Variants in RAB27B observed in about 807,000 individuals in gnomAD.
The protein encoded by RAB27B is ras-related protein Rab-27B.
RAB27B carries 15 observed loss-of-function variants against 24.6 expected under a neutral mutation model. That is an observed-to-expected ratio of 0.61 (90% CI 0.41 to 0.94). The LOEUF (loss-of-function observed/expected upper bound fraction) is 0.94. RAB27B is among the 40% of genes least tolerant of loss of function. The probability of loss-of-function intolerance (pLI) is 0.00; values close to 1 mark genes in which losing one functional copy is unlikely to be tolerated. For synonymous variants in RAB27B, 105 were observed against 92.5 expected (o/e 1.14, Z -0.78); for missense variants, 261 against 266.8 (o/e 0.98, Z 0.15).
intron 2 of RAB27B, among the ~76,000 whole-genome samples, chr18:54,803,186 T>C (rs559317279): frequency 3.3e-5 from 5 of 152,304 alleles, no homozygotes; most frequent in Admixed American, 2.6e-4. Context: ...TAAATAAAGA[T>C]AGCAGATAGA....
chr18:54,755,187 C>A (rs1389755808), intron 2 of RAB27B, among the ~76,000 whole-genome samples: 5 of 152,078 alleles, frequency 3.3e-5, no homozygotes, highest in African/African-American at 1.2e-4. Context: ...GTCAGGAGTT[C>A]AAGACCAGCC....
chr18:54,740,783 C>T (rs891196344), intron 2 of RAB27B, among the ~76,000 whole-genome samples: 3 of 152,202 alleles, frequency 2.0e-5, no homozygotes, highest in East Asian at 3.9e-4. Flanking sequence ...ATAGCAGGCT[C>T]TCACTAAGTG....
chr18:54,849,931 C>A (rs1038855470), intron 1 of RAB27B, among the ~76,000 whole-genome samples: 1 of 152,002 alleles, frequency 6.6e-6, no homozygotes, highest in African/African-American at 2.4e-5. Context: ...TTACTCATAC[C>A]TTTAAAAGGA....
rs1353751580 is a variant in RAB27B, at chr18:54,876,227, AC to A, written c.-19-1335del. ...TCATGAGAACAGCATGGGGGAAACC[AC>A]CCCCATGATTCAATTACCTCCACCT... is the stretch of plus-strand genomic sequence containing the variant. On this transcript the variant is annotated intron_variant, in intron 1 of 5. Coordinates refer to ENST00000262094, the MANE Select transcript of RAB27B (RefSeq NM_004163.4). 2.0e-5 allele frequency among the ~76,000 whole-genome samples: 3 copies of A among 151,906 alleles called. No individual in the cohort carries two copies. The East Asian group carries it at 5.8e-4, about 29-fold the overall frequency.
At chr18:54,858,264 G>A (rs1911863096) in intron 1 of RAB27B, among the ~76,000 whole-genome samples, 1 of 151,954 alleles carries the variant, frequency 6.6e-6, no homozygotes, top group Non-Finnish European at 1.5e-5. Flanking sequence ...TATCCTATGC[G>A]TTAGAATTTA....
chr18:54,816,287 A>G (rs894941207), intron 2 of RAB27B, among the ~76,000 whole-genome samples: 1 of 152,224 alleles, frequency 6.6e-6, no homozygotes, highest in African/African-American at 2.4e-5. Context: ...AGTAGGTGAA[A>G]TACGATAATA....
At chr18:54,772,941 G>A (rs559825981) in intron 2 of RAB27B, among the ~76,000 whole-genome samples, 31 of 152,058 alleles carry the variant, frequency 2.0e-4, no homozygotes, top group Non-Finnish European at 3.5e-4. Flanking sequence ...AATTTAATTC[G>A]GTGCTCCTTT....
chr18:54,738,871 T>TGA (rs1909982799), intron 2 of RAB27B, among the ~76,000 whole-genome samples: 1 of 152,204 alleles, frequency 6.6e-6, no homozygotes, highest in Admixed American at 6.6e-5. Flanking sequence ...CAATGAGTCT[T>TGA]GAGAAATGTA....
At chr18:54,862,074 A>T (rs911540808) in intron 1 of RAB27B, among the ~76,000 whole-genome samples, 2 of 151,552 alleles carry the variant, frequency 1.3e-5, no homozygotes, top group Non-Finnish European at 2.9e-5. Flanking sequence ...AAAAAAAAGC[A>T]TGACTGCCTT....
At chr18:54,755,223 C>G (rs1907964467) in intron 2 of RAB27B, among the ~76,000 whole-genome samples, 1 of 152,060 alleles carries the variant, frequency 6.6e-6, no homozygotes, top group Non-Finnish European at 1.5e-5. Flanking sequence ...AACCCCGTCT[C>G]TACTAAAAAT....
At chr18:54,783,481 T>TTGTGTGTGTGTGTG (rs34288200) in intron 2 of RAB27B, among the ~76,000 whole-genome samples, 5,387 of 149,730 alleles carry the variant, frequency 0.036, 154 homozygotes, top group Admixed American at 0.075. Flanking sequence ...GCCTATGGCT[T>TTGTGTGTGTGTGTG]TGTGTGTGTG....
At chr18:54,792,164 G>C (rs1909268768) in intron 2 of RAB27B, among the ~76,000 whole-genome samples, 1 of 152,138 alleles carries the variant, frequency 6.6e-6, no homozygotes, top group South Asian at 2.1e-4. Context: ...CATGCCCACT[G>C]GGTCTTCAGG....
chr18:54,866,611 T>C (rs930816733), intron 1 of RAB27B, among the ~76,000 whole-genome samples: 7 of 152,220 alleles, frequency 4.6e-5, no homozygotes, highest in Non-Finnish European at 8.8e-5. Flanking sequence ...ATCCTTCTTT[T>C]ACCTGGCAGA....
chr18:54,833,272 G>C (rs1910764110), intron 1 of RAB27B, among the ~76,000 whole-genome samples: 1 of 131,194 alleles, frequency 7.6e-6, no homozygotes, highest in African/African-American at 2.9e-5. Context: ...TGTTGCCCAG[G>C]CTGGAGTGCA....
chr18:54,766,647 A>G (rs1159087395), intron 2 of RAB27B, among the ~76,000 whole-genome samples: 3 of 152,174 alleles, frequency 2.0e-5, no homozygotes, highest in Admixed American at 6.6e-5. Flanking sequence ...CAATCTGTGA[A>G]ATATGCCTAA....
At chr18:54,850,949 G>C (rs1429611827) in intron 1 of RAB27B, among the ~76,000 whole-genome samples, 5 of 151,984 alleles carry the variant, frequency 3.3e-5, no homozygotes, top group Non-Finnish European at 7.4e-5. Context: ...TAGCTGTGTG[G>C]TCTTGGGCAA....
At chr18:54,782,124 G>T (rs1385384932) in intron 2 of RAB27B, among the ~76,000 whole-genome samples, 3 of 152,138 alleles carry the variant, frequency 2.0e-5, no homozygotes, top group African/African-American at 7.2e-5. Flanking sequence ...ACATTCCATT[G>T]TGCTCAGGGT....
At chr18:54,796,657 G>A (rs753866670) in intron 2 of RAB27B, among the ~76,000 whole-genome samples, 8 of 152,052 alleles carry the variant, frequency 5.3e-5, no homozygotes, top group Non-Finnish European at 1.2e-4. Context: ...TGCTCCTCTC[G>A]ACTTTCACCC....
At position 54,817,950 on chromosome 18, in the gene RAB27B, C is replaced by T. The variant is rs544990743; in HGVS notation, c.-19-59617C>T. On this transcript the variant is annotated intron_variant, in intron 2 of 4. Transcript: ENST00000586570. ...CTTTCATCTGTAGGAAGGGAGGAAA[C>T]GGCAAAATAGATATGAGGTGGATTT... Among the ~76,000 whole-genome samples the T allele has an allele frequency of 1.1e-4, 17 of 152,164 alleles. No homozygotes were observed. The South Asian group carries it at 2.9e-3, about 26-fold the overall frequency.
Sources: allele counts gnomAD v4.1 joint callset (sites outside exome capture counted in the v4.1 genomes callset), GRCh38; gene constraint gnomAD v4.1.1; transcripts MANE v1.5; gene names NCBI Gene and HGNC (gene_info 2026-07-23, HGNC 2026-07-21).